The following UBE2E2 variants were observed in gnomAD, a reference collection of about 807,000 sequenced individuals.
UBE2E2 encodes ubiquitin conjugating enzyme E2 E2.
UBE2E2 carries 6 observed loss-of-function variants against 24.7 expected under a neutral mutation model. The ratio of observed to expected loss-of-function variants is 0.24; its 90% CI spans 0.13 to 0.48. The LOEUF (loss-of-function observed/expected upper bound fraction) is 0.48, where lower values mean the gene tolerates loss of function less well. Among genes scored for constraint, UBE2E2 ranks in the 20% least tolerant of loss-of-function variants. The probability of loss-of-function intolerance (pLI) is 0.99; values close to 1 mark genes in which losing one functional copy is unlikely to be tolerated. For missense variants in UBE2E2, 169 were observed against 245.0 expected, an observed-to-expected ratio of 0.69 and a Z score of 2.07; for synonymous variants, 104 against 83.6, an observed-to-expected ratio of 1.24 and a Z score of -1.33.
At chr3:23,322,199 A>G (rs1009963390) in intron 3 of UBE2E2, among the ~76,000 whole-genome samples, 4 of 152,244 alleles carry the variant, frequency 2.6e-5, no homozygotes, top group African/African-American at 7.2e-5. Flanking sequence ...GGAATTTTTC[A>G]TAGTGAACTT....
chr3:23,259,211 A>G (rs1290069583), intron 3 of UBE2E2, among the ~76,000 whole-genome samples: 2 of 152,044 alleles, frequency 1.3e-5, no homozygotes, highest in African/African-American at 4.8e-5. Flanking sequence ...ATCACTGTCT[A>G]CTTCCTTGTA....
intron 3 of UBE2E2, among the ~76,000 whole-genome samples, chr3:23,400,439 G>A (rs1198634168): frequency 1.3e-5 from 2 of 152,044 alleles, no homozygotes; most frequent in Non-Finnish European, 2.9e-5. Context: ...TGAGTAGCTG[G>A]GACTACAGGT....
At chr3:23,249,345 G>C (rs1559455606) in intron 3 of UBE2E2, among the ~76,000 whole-genome samples, 1 of 151,286 alleles carries the variant, frequency 6.6e-6, no homozygotes, top group South Asian at 2.1e-4. Context: ...GGATTAACAA[G>C]GTCAGCAGAG....
chr3:23,499,494 A>G (rs1171192446), intron 3 of UBE2E2, 114 bp from the exon 4 acceptor site: 2 of 1,292,436 alleles, frequency 1.5e-6, no homozygotes, highest in Non-Finnish European at 2.1e-6. Flanking sequence ...GAGTTAACTG[A>G]TTAACTTTTT....
intron 3 of UBE2E2, among the ~76,000 whole-genome samples, chr3:23,373,833 A>G (rs1472492876): frequency 1.3e-5 from 2 of 152,224 alleles, no homozygotes; most frequent in Non-Finnish European, 2.9e-5. Context: ...ACACATAACA[A>G]AAATGGACTT....
intron 3 of UBE2E2, among the ~76,000 whole-genome samples, chr3:23,242,225 C>T (rs77708114): frequency 0.027 from 4,102 of 152,206 alleles, 101 homozygotes; most frequent in East Asian, 0.12. Context: ...AATCATCAAG[C>T]CTGGCCAAGT....
At chr3:23,466,654 G>A (rs901383320) in intron 3 of UBE2E2, among the ~76,000 whole-genome samples, 3 of 151,938 alleles carry the variant, frequency 2.0e-5, no homozygotes, top group Non-Finnish European at 2.9e-5. Context: ...TGCAACCTCC[G>A]CCTCCTGGGT....
At chr3:23,416,141 A>G (rs1697625294) in intron 3 of UBE2E2, among the ~76,000 whole-genome samples, 1 of 152,148 alleles carries the variant, frequency 6.6e-6, no homozygotes, top group Non-Finnish European at 1.5e-5. Context: ...ATCCAGTCTA[A>G]CATTGATTGG....
At chr3:23,213,687 T>C (rs1237534901) in intron 2 of UBE2E2, among the ~76,000 whole-genome samples, 1 of 152,156 alleles carries the variant, frequency 6.6e-6, no homozygotes, top group Non-Finnish European at 1.5e-5. Flanking sequence ...ATGAGGGAAG[T>C]CTTCTTGTTT....
At chr3:23,498,835 A>G (rs1300385155) in intron 3 of UBE2E2, among the ~76,000 whole-genome samples, 1 of 152,150 alleles carries the variant, frequency 6.6e-6, no homozygotes, top group East Asian at 1.9e-4. Flanking sequence ...ACCTGAGAGA[A>G]CTAATACAAT....
intron 4 of UBE2E2, among the ~76,000 whole-genome samples, chr3:23,502,008 A>C (rs968362714): frequency 2.6e-5 from 4 of 152,178 alleles, no homozygotes; most frequent in African/African-American, 7.2e-5. Context: ...ATCAACTCCT[A>C]ATATATCAGT....
chr3:23,491,873 G>T (rs1241620986), intron 3 of UBE2E2, among the ~76,000 whole-genome samples: 8 of 152,182 alleles, frequency 5.3e-5, no homozygotes, highest in Admixed American at 3.3e-4. Context: ...AATGAGAGCT[G>T]ATGCGGCCAA....
intron 3 of UBE2E2, among the ~76,000 whole-genome samples, chr3:23,279,981 A>G (rs1211482937): frequency 6.6e-6 from 1 of 152,210 alleles, no homozygotes; most frequent in Non-Finnish European, 1.5e-5. Context: ...CTTTGTTACC[A>G]TTCACCAATG....
chr3:23,368,632 A>G (rs1320371753), intron 3 of UBE2E2, among the ~76,000 whole-genome samples: 1 of 152,174 alleles, frequency 6.6e-6, no homozygotes, highest in Non-Finnish European at 1.5e-5. Context: ...TTCTATCTGT[A>G]TTATTAATGC....
chr3:23,289,274 G>A (rs1203112764), intron 3 of UBE2E2, among the ~76,000 whole-genome samples: 1 of 152,166 alleles, frequency 6.6e-6, no homozygotes, highest in African/African-American at 2.4e-5. Flanking sequence ...TATTGTTGAA[G>A]CTGAATGAGG....
chr3:23,330,763 A>G (rs1466600320), intron 3 of UBE2E2, among the ~76,000 whole-genome samples: 1 of 152,220 alleles, frequency 6.6e-6, no homozygotes, highest in African/African-American at 2.4e-5. Context: ...CATTCTAAGA[A>G]CAGATCGAAT....
chr3:23,357,302 T>C (rs1269980294), intron 3 of UBE2E2, among the ~76,000 whole-genome samples: 1 of 151,404 alleles, frequency 6.6e-6, no homozygotes, highest in African/African-American at 2.4e-5. Context: ...CCGTAAGTGC[T>C]TTTTTTAATC....
intron 4 of UBE2E2, among the ~76,000 whole-genome samples, chr3:23,519,970 C>A (rs1479182535): frequency 6.6e-6 from 1 of 152,122 alleles, no homozygotes; most frequent in African/African-American, 2.4e-5. Flanking sequence ...TTCTTCTCTT[C>A]GCTATTCACT....
intron 3 of UBE2E2, among the ~76,000 whole-genome samples, chr3:23,478,549 G>A (rs1397957203): frequency 6.6e-6 from 1 of 152,180 alleles, no homozygotes; most frequent in Non-Finnish European, 1.5e-5. Flanking sequence ...ATCAAGAACT[G>A]ATGTGAAACA....
Sources: allele counts gnomAD v4.1 joint callset (sites outside exome capture counted in the v4.1 genomes callset), GRCh38; gene constraint gnomAD v4.1.1; transcripts MANE v1.5; gene names NCBI Gene and HGNC (gene_info 2026-07-23, HGNC 2026-07-21).